The following TMPRSS4 variants were observed in gnomAD, a reference collection of about 807,000 sequenced individuals.
TMPRSS4 encodes transmembrane protease serine 4.
Under a neutral mutation model 56.4 loss-of-function variants are expected in TMPRSS4, and 45 were observed. The observed-to-expected ratio is 0.80, with a 90% CI of 0.63 to 1.02. The LOEUF is 1.02. Among genes scored for constraint, TMPRSS4 ranks in the 50% least tolerant of loss-of-function variants. TMPRSS4 has a pLI of 0.00. For missense variants in TMPRSS4, 546 were observed against 556.7 expected, an observed-to-expected ratio of 0.98 and a Z score of 0.19; for synonymous variants, 205 against 211.0, an observed-to-expected ratio of 0.97 and a Z score of 0.25.
At chr11:118,098,190 C>T (rs1188937392) in intron 2 of TMPRSS4, among the ~76,000 whole-genome samples, 1 of 152,232 alleles carries the variant, frequency 6.6e-6, no homozygotes, top group Non-Finnish European at 1.5e-5. Flanking sequence ...AGAGTCTCCA[C>T]AGCTGCCTTC....
chr11:118,114,883 C>T lies in TMPRSS4; in HGVS notation c.965C>T (p.Thr322Ile). The T allele has an allele frequency of 3.1e-6, 5 of 1,608,788 alleles. No homozygotes were observed. Among genetic ancestry groups the T allele is most frequent in the Non-Finnish European group, 4.2e-6 (5 of 1,177,732 alleles). Reference protein sequence around the residue: ...PFFDEELTPATPLWIIGWGFT... With the variant: ...PFFDEELTPAIPLWIIGWGFT... ...TTTGATGAGGAGCTCACTCCAGCCA[C>T]CCCACTCTGGATCATTGGATGGGGC... is the stretch of plus-strand genomic sequence containing the variant. Residue 322 changes from threonine (T) to isoleucine (I), a missense_variant, in exon 10 of 13, where the codon ACC becomes ATC. Transcript: ENST00000437212.
At chr11:118,103,325 G>A (rs558322759) in intron 4 of TMPRSS4, 72 bp downstream of exon 4, 2 of 1,539,778 alleles carry the variant, frequency 1.3e-6, no homozygotes, top group Admixed American at 1.9e-5. Context: ...ACGGCCCACT[G>A]CATAGTATCT....
chr11:118,118,066 C>T lies in TMPRSS4; in HGVS notation c.*153C>T, dbSNP rs1947655249. ...CTTGGAGCAGCAAAGGGCCTCAATT[C>T]CTATAAGAGACCCTCGCAGCCCAGA... On this transcript the variant is annotated 3_prime_UTR_variant, in exon 13 of 13. Coordinates refer to ENST00000437212, the MANE Select transcript of TMPRSS4 (RefSeq NM_019894.4). The T allele has an allele frequency of 2.0e-6, 3 of 1,501,022 alleles. No individual in the cohort carries two copies. The highest frequency in any genetic ancestry group is 4.9e-4 in the Middle Eastern group (2 of 4,080). 93.0% of individuals were successfully genotyped at this position (1,501,022 alleles called of 1,614,324 possible). A position where few individuals can be genotyped will look rare whatever the true frequency, so the allele number is the denominator to read the frequency against.
intron 1 of TMPRSS4, among the ~76,000 whole-genome samples, chr11:118,086,133 C>T (rs1040963512): frequency 5.3e-5 from 8 of 152,220 alleles, no homozygotes; most frequent in African/African-American, 1.7e-4. Context: ...AAAGCATAAG[C>T]GCTGTGCCTC....
chr11:118,101,203 A>T (rs1380325553), intron 3 of TMPRSS4, among the ~76,000 whole-genome samples: 1 of 152,194 alleles, frequency 6.6e-6, no homozygotes, highest in Non-Finnish European at 1.5e-5. Context: ...TCAATTCTCC[A>T]CGTCCCTGTT....
chr11:118,095,071 A>C (rs1946210906), intron 2 of TMPRSS4: 2 of 587,078 alleles, frequency 3.4e-6, no homozygotes, highest in African/African-American at 3.7e-5. Context: ...AGGACCAACA[A>C]ACCTAAAATC....
chr11:118,089,778 T>C (rs1945820694), intron 1 of TMPRSS4, among the ~76,000 whole-genome samples: 1 of 152,242 alleles, frequency 6.6e-6, no homozygotes, highest in African/African-American at 2.4e-5. Context: ...TGCTTCTCTA[T>C]AGAAAAGATT....
At chr11:118,080,475 T>C (rs1299268512) in intron 1 of TMPRSS4, among the ~76,000 whole-genome samples, 1 of 152,174 alleles carries the variant, frequency 6.6e-6, no homozygotes, top group Non-Finnish European at 1.5e-5. Flanking sequence ...GCTTCCAGCC[T>C]GACCCTGGGG....
chr11:118,078,461 G>T (rs557602756), intron 1 of TMPRSS4, among the ~76,000 whole-genome samples: 1 of 152,264 alleles, frequency 6.6e-6, no homozygotes, highest in Non-Finnish European at 1.5e-5. Flanking sequence ...GAAAATTCTG[G>T]CAAGAACAAT....
chr11:118,081,751 G>GCATTCATTCATTCATTCATT (rs112018141), intron 1 of TMPRSS4, among the ~76,000 whole-genome samples: 2 of 152,028 alleles, frequency 1.3e-5, no homozygotes, highest in East Asian at 1.9e-4. Context: ...AAATCTGTAT[G>GCATTCATTCATTCATTCATT]CATTCATTCA....
chr11:118,110,981 CTACTT>C (rs1335914155), intron 7 of TMPRSS4, among the ~76,000 whole-genome samples: 2 of 152,222 alleles, frequency 1.3e-5, no homozygotes, highest in Admixed American at 1.3e-4. Context: ...AGTGGAAACT[CTACTT>C]TGCCCTCAAG....
downstream of TMPRSS4, among the ~76,000 whole-genome samples, chr11:118,124,881 C>T (rs141124734): frequency 7.2e-5 from 11 of 152,318 alleles, no homozygotes; most frequent in East Asian, 1.9e-3. Context: ...CTTCAATTTC[C>T]GCTCAGCCTC....
intron 1 of TMPRSS4, among the ~76,000 whole-genome samples, chr11:118,081,455 C>T (rs1271758042): frequency 6.6e-6 from 1 of 152,236 alleles, no homozygotes; most frequent in African/African-American, 2.4e-5. Flanking sequence ...AGATGGAAAA[C>T]CGCAACAGTC....
In TMPRSS4 at chr11:118,115,425, G is replaced by A. The variant is rs1338888714; in HGVS notation, c.1152+145G>A. The A allele has an allele frequency of 3.0e-6, 3 of 1,016,382 alleles. No individual in the cohort carries two copies. The African/African-American group carries it at 4.8e-5, about 16-fold the overall frequency. The allele number at this position is 1,016,382 out of a possible 1,614,324, so 63.0% of individuals were successfully genotyped here. A position where few individuals can be genotyped will look rare whatever the true frequency, so the allele number is the denominator to read the frequency against. ...TGATGATGGGAGGAAGAGAGGGAGG[G>A]AAGGAAAGGATAGTCAGATAAAAGT... On this transcript the variant is annotated intron_variant, in intron 11 of 12. Coordinates refer to ENST00000437212, the MANE Select transcript of TMPRSS4 (RefSeq NM_019894.4).
intron 12 of TMPRSS4, 118 bp downstream of exon 12, chr11:118,117,572 T>A: frequency 6.7e-7 from 1 of 1,501,530 alleles, no homozygotes; most frequent in Non-Finnish European, 8.9e-7. Flanking sequence ...CCCAAATAAC[T>A]TTCCCTCCAA....
chr11:118,093,825 C>G lies in TMPRSS4; in HGVS notation c.4-991C>G, dbSNP rs541344262. Among the ~76,000 whole-genome samples the G allele has an allele frequency of 5.0e-4, 76 of 151,402 alleles. 1 individual carries two copies. The highest frequency in any genetic ancestry group is 1.8e-3 in the African/African-American group (75 of 41,332). Reference sequence around the variant, plus strand: ...TCCTTCCAATAACTAACTGCCCCCCCCAATGGTAACCACTATTCTGACTTC... The same window carrying G: ...TCCTTCCAATAACTAACTGCCCCCCGCAATGGTAACCACTATTCTGACTTC... On this transcript the variant is annotated intron_variant, in intron 1 of 12. Coordinates refer to ENST00000437212, the MANE Select transcript of TMPRSS4 (RefSeq NM_019894.4).
chr11:118,115,010 A>G, intron 10 of TMPRSS4, 83 bp downstream of exon 10: 1 of 1,544,362 alleles, frequency 6.5e-7, no homozygotes, highest in Non-Finnish European at 8.8e-7. Context: ...AAGGAGGACC[A>G]CCCTTCAGAG....
chr11:118,115,603 T>C (rs1380100732), intron 11 of TMPRSS4: 1 of 244,056 alleles, frequency 4.1e-6, no homozygotes, highest in Non-Finnish European at 8.2e-6. Context: ...GCAGGTGATT[T>C]GAGGTCAGGA....
At chr11:118,110,073 G>A (rs1189976603) in intron 7 of TMPRSS4, among the ~76,000 whole-genome samples, 1 of 152,234 alleles carries the variant, frequency 6.6e-6, no homozygotes, top group African/African-American at 2.4e-5. Flanking sequence ...TCCAGAGAAA[G>A]GGAGATTCCC....
Sources: gnomAD v4.1 joint callset for allele counts (sites outside exome capture counted in the v4.1 genomes callset) on GRCh38, gnomAD v4.1.1 for gene constraint, MANE v1.5 for transcripts, NCBI Gene and HGNC (gene_info 2026-07-23, HGNC 2026-07-21) for gene names.